The following MAB21L1 variants were observed in gnomAD, a reference collection of about 807,000 sequenced individuals.
The protein encoded by MAB21L1 is putative nucleotidyltransferase MAB21L1.
A neutral mutation model predicts 28.9 loss-of-function variants in MAB21L1; 8 were observed. The observed-to-expected ratio is 0.28, with a 90% CI of 0.16 to 0.50. The LOEUF (loss-of-function observed/expected upper bound fraction) is 0.50. MAB21L1 is among the 20% of genes least tolerant of loss of function. MAB21L1 has a pLI of 0.98. For synonymous variants in MAB21L1, 219 were observed against 198.2 expected (o/e 1.10, Z -0.88); for missense variants, 388 against 466.5 (o/e 0.83, Z 1.55).
chr13:35,475,414 T>G lies in MAB21L1; in HGVS notation c.725A>C (p.Gln242Pro), dbSNP rs1268262339. 1 of 1,613,590 alleles carries G rather than the reference T, an allele frequency of 6.2e-7. No individual in the cohort carries two copies. The highest frequency in any genetic ancestry group is 1.3e-5 in the African/African-American group (1 of 74,796). The change falls in exon 1 of 1, where the codon CAG (glutamine) becomes CCG (proline). Residue 242 changes from glutamine (Q) to proline (P), a missense_variant. Coordinates refer to ENST00000379919, the MANE Select transcript of MAB21L1 (RefSeq NM_005584.5). ...LQFAEAENRL[Q>P]MGGCRKKCLS... ...GCACTTCTTTCTGCAGCCCCCCATCTGCAGTCTGTTCTCTGCCTCCGCGAA... is the reference window on the plus strand; with the variant it reads ...GCACTTCTTTCTGCAGCCCCCCATCGGCAGTCTGTTCTCTGCCTCCGCGAA...
Position 35,475,908 on chromosome 13 carries a change from C to T in MAB21L1, c.231G>A (p.Val77=). 6.2e-7 allele frequency: 1 copy of T among 1,614,158 alleles called. No homozygotes were observed. The highest frequency in any genetic ancestry group is 8.5e-7 in the Non-Finnish European group (1 of 1,180,036). ...EVISPTEFEV[V]LYLNQMGVFN... ...ACACCCCCATTTGGTTGAGATAAAG[C>T]ACCACTTCAAATTCGGTGGGGGAGA... The change falls in exon 1 of 1, where the codon GTG becomes GTA. Residue 77 remains valine (V), a synonymous_variant. Transcript: ENST00000379919.
Position 35,476,617 on chromosome 13 carries a change from A to C in MAB21L1, c.-479T>G. The C allele has an allele frequency of 2.0e-6, 1 of 507,878 alleles. No homozygotes were observed. Among genetic ancestry groups the C allele is most frequent in the Non-Finnish European group, 3.6e-6 (1 of 279,076 alleles). 31.5% of individuals were successfully genotyped at this position (507,878 alleles called of 1,614,324 possible). ...GCAGCACTGTTAATCAAATGGAGGA[A>C]AAGTGTGCTGAGTGTGTGTCCGGGG... is the stretch of plus-strand genomic sequence containing the variant. On this transcript the variant is annotated 5_prime_UTR_variant, in exon 1 of 1. Transcript: ENST00000379919.
rs375479284 is a variant in MAB21L1, at chr13:35,475,989, C to T, written c.150G>A (p.Pro50=). 4 of 1,614,096 alleles carry T rather than the reference C, an allele frequency of 2.5e-6. No homozygotes were observed. The highest frequency in any genetic ancestry group is 2.2e-5 in the South Asian group (2 of 91,088). The change falls in exon 1 of 1, where the codon CCG becomes CCA. Residue 50 remains proline (P), a synonymous_variant. Transcript: ENST00000379919. Reference sequence around the variant, plus strand: ...TCTCGTTGAGAGAGCTGATGAACCGCGGCTCCTGCACTTCCACTTCCTTCA... The same window carrying T: ...TCTCGTTGAGAGAGCTGATGAACCGTGGCTCCTGCACTTCCACTTCCTTCA... The part of the protein sequence containing the change: ...DVLKEVEVQE[P]RFISSLNEMD...
In MAB21L1 at chr13:35,476,506, C is replaced by A. The variant is rs2075880385; in HGVS notation, c.-368G>T. ...TCTCAGGAATAAAAAACAAAAGTTGCGCTGAGACCCAGCAAAGCTCTTCCA... is the reference window on the plus strand; with the variant it reads ...TCTCAGGAATAAAAAACAAAAGTTGAGCTGAGACCCAGCAAAGCTCTTCCA... On this transcript the variant is annotated 5_prime_UTR_variant, in exon 1 of 1. Transcript: ENST00000379919. The A allele has an allele frequency of 4.5e-6, 3 of 665,858 alleles. No homozygotes were observed. Among genetic ancestry groups the A allele is most frequent in the Non-Finnish European group, 5.3e-6 (2 of 380,916 alleles). 41.2% of individuals were successfully genotyped at this position (665,858 alleles called of 1,614,324 possible).
In MAB21L1 at chr13:35,475,906, A is replaced by G. The variant is rs1227496852; in HGVS notation, c.233T>C (p.Leu78Pro). Residue 78 changes from leucine to proline, a missense_variant, in exon 1 of 1, where the codon CTT becomes CCT. Leu to Pro is a moderately conservative substitution (Grantham distance 98). Transcript: ENST00000379919. The part of the protein sequence containing the change: ...VISPTEFEVV[L>P]YLNQMGVFNF... Reference sequence around the variant, plus strand: ...GAACACCCCCATTTGGTTGAGATAAAGCACCACTTCAAATTCGGTGGGGGA... The same window carrying G: ...GAACACCCCCATTTGGTTGAGATAAGGCACCACTTCAAATTCGGTGGGGGA... 6.2e-7 allele frequency: 1 copy of G among 1,614,148 alleles called. No homozygotes were observed. The highest frequency in any genetic ancestry group is 1.7e-5 in the Admixed American group (1 of 60,028).
In MAB21L1 at chr13:35,476,595, G is replaced by C. The variant is rs892773035; in HGVS notation, c.-457C>G. Reference sequence around the variant, plus strand: ...CTTTCCCGTAATCATTGTGTGTGCAGCACTGTTAATCAAATGGAGGAAAAG... The same window carrying C: ...CTTTCCCGTAATCATTGTGTGTGCACCACTGTTAATCAAATGGAGGAAAAG... On this transcript the variant is annotated 5_prime_UTR_variant, in exon 1 of 1. Transcript: ENST00000379919. The C allele has an allele frequency of 3.8e-6, 2 of 532,120 alleles. No individual in the cohort carries two copies. Among genetic ancestry groups the C allele is most frequent in the African/African-American group, 3.8e-5 (2 of 52,130 alleles). 33.0% of individuals were successfully genotyped at this position (532,120 alleles called of 1,614,324 possible).
chr13:35,473,880 CAG>C lies in MAB21L1; in HGVS notation c.*1177_*1178del, dbSNP rs2075756099. 1.3e-5 allele frequency among the ~76,000 whole-genome samples: 2 copies of C among 152,060 alleles called. No individual in the cohort carries two copies. The highest frequency in any genetic ancestry group is 4.1e-4 in the South Asian group (2 of 4,826). Reference sequence around the variant, plus strand: ...TTAAGTTCATTTCCTCTGAATTAGTCAGATTTTTAACTCAGTCATCTCTACTG... The same window carrying C: ...TTAAGTTCATTTCCTCTGAATTAGTCATTTTTAACTCAGTCATCTCTACTG... On this transcript the variant is annotated 3_prime_UTR_variant, in exon 1 of 1. Coordinates refer to ENST00000379919, the MANE Select transcript of MAB21L1 (RefSeq NM_005584.5).
In MAB21L1 at chr13:35,474,101, A is replaced by G. The variant is rs1449619162; in HGVS notation, c.*958T>C. 6.6e-6 allele frequency: 1 copy of G among 152,322 alleles called. No individual in the cohort carries two copies. The highest frequency in any genetic ancestry group is 2.4e-5 in the African/African-American group (1 of 41,452). The allele number at this position is 152,322 out of a possible 1,614,324, so 9.4% of individuals were successfully genotyped here. ...ATGTTTTATTTTTAAGGATTTCATT[A>G]GCATATTTCTCAAAATATTTAAGAT... On this transcript the variant is annotated 3_prime_UTR_variant, in exon 1 of 1. Transcript: ENST00000379919.
rs1486421141 is a variant in MAB21L1, at chr13:35,476,333, CTGCTGCTGCTGCTGCT to C, written c.-211_-196del. 310 of 1,229,318 alleles carry C rather than the reference CTGCTGCTGCTGCTGCT, an allele frequency of 2.5e-4. No individual in the cohort carries two copies. Among genetic ancestry groups the C allele is most frequent in the South Asian group, 1.0e-3 (78 of 76,800 alleles). 76.2% of individuals were successfully genotyped at this position (1,229,318 alleles called of 1,614,324 possible). A position where few individuals can be genotyped will look rare whatever the true frequency, so the allele number is the denominator to read the frequency against. On this transcript the variant is annotated 5_prime_UTR_variant, in exon 1 of 1. Coordinates refer to ENST00000379919, the MANE Select transcript of MAB21L1 (RefSeq NM_005584.5). ...GCTGCTGCTGCTGCTGCTGCTGCTGCTGCTGCTGCTGCTGCTGCTGCTTTTCCCTTCCTTTTATCTT... is the reference window on the plus strand; with the variant it reads ...GCTGCTGCTGCTGCTGCTGCTGCTGCGCTGCTTTTCCCTTCCTTTTATCTT...
In MAB21L1 at chr13:35,476,143, G is replaced by T; in HGVS notation, c.-5C>A. The stretch of plus-strand genomic sequence containing the variant: ...CTTGGCCTGGGCCGCAATCATGTTG[G>T]GGCAGAGATCCGGATTGTACACCGG... On this transcript the variant is annotated 5_prime_UTR_variant, in exon 1 of 1. Coordinates refer to ENST00000379919, the MANE Select transcript of MAB21L1 (RefSeq NM_005584.5). The T allele has an allele frequency of 6.2e-7, 1 of 1,613,880 alleles. No individual in the cohort carries two copies. Among genetic ancestry groups the T allele is most frequent in the South Asian group, 1.1e-5 (1 of 91,064 alleles).
At position 35,475,854 on chromosome 13, in the gene MAB21L1, G is replaced by C; in HGVS notation, c.285C>G (p.Pro95=). ...VFNFVDDGSL[P]GCAVLKLSDG... ...CGCTCAACTTCAGCACCGCGCAGCC[G>C]GGCAGTGAGCCATCGTCCACGAAGT... Residue 95 remains proline, a synonymous_variant, in exon 1 of 1, where the codon CCC becomes CCG. Coordinates refer to ENST00000379919, the MANE Select transcript of MAB21L1 (RefSeq NM_005584.5). 6.2e-7 allele frequency: 1 copy of C among 1,614,006 alleles called. No individual in the cohort carries two copies. The highest frequency in any genetic ancestry group is 8.5e-7 in the Non-Finnish European group (1 of 1,180,014).
In MAB21L1 at chr13:35,476,600, G is replaced by A; in HGVS notation, c.-462C>T. On this transcript the variant is annotated 5_prime_UTR_variant, in exon 1 of 1. Coordinates refer to ENST00000379919, the MANE Select transcript of MAB21L1 (RefSeq NM_005584.5). ...CCGTAATCATTGTGTGTGCAGCACT[G>A]TTAATCAAATGGAGGAAAAGTGTGC... 1 of 524,884 alleles carries A rather than the reference G, an allele frequency of 1.9e-6. No homozygotes were observed. The highest frequency in any genetic ancestry group is 1.9e-5 in the African/African-American group (1 of 52,196). 32.5% of individuals were successfully genotyped at this position (524,884 alleles called of 1,614,324 possible).
chr13:35,476,616 A>G lies in MAB21L1; in HGVS notation c.-478T>C. 2 of 507,420 alleles carry G rather than the reference A, an allele frequency of 3.9e-6. 1 individual carries two copies. Among genetic ancestry groups the G allele is most frequent in the South Asian group, 4.7e-5 (2 of 42,592 alleles). The allele number at this position is 507,420 out of a possible 1,614,324, so 31.4% of individuals were successfully genotyped here. A position where few individuals can be genotyped will look rare whatever the true frequency, so the allele number is the denominator to read the frequency against. ...TGCAGCACTGTTAATCAAATGGAGG[A>G]AAAGTGTGCTGAGTGTGTGTCCGGG... On this transcript the variant is annotated 5_prime_UTR_variant, in exon 1 of 1. Transcript: ENST00000379919.
At position 35,476,464 on chromosome 13, in the gene MAB21L1, G is replaced by T. The variant is rs1165546917; in HGVS notation, c.-326C>A. On this transcript the variant is annotated 5_prime_UTR_variant, in exon 1 of 1. Coordinates refer to ENST00000379919, the MANE Select transcript of MAB21L1 (RefSeq NM_005584.5). ...TAAAGAATCCTTGTGTGAGAGAACCGCATGGAGAGATCACCTTCTCAGGAA... is the reference window on the plus strand; with the variant it reads ...TAAAGAATCCTTGTGTGAGAGAACCTCATGGAGAGATCACCTTCTCAGGAA... The T allele has an allele frequency of 4.9e-6, 4 of 808,122 alleles. No homozygotes were observed. Among genetic ancestry groups the T allele is most frequent in the South Asian group, 3.1e-5 (2 of 64,566 alleles). The allele number at this position is 808,122 out of a possible 1,614,324, so 50.1% of individuals were successfully genotyped here. A position where few individuals can be genotyped will look rare whatever the true frequency, so the allele number is the denominator to read the frequency against.
In MAB21L1 at chr13:35,475,888, C is replaced by G; in HGVS notation, c.251G>C (p.Gly84Ala). ...GCCATCGTCCACGAAGTTGAACACC[C>G]CCATTTGGTTGAGATAAAGCACCAC... ...FEVVLYLNQM[G>A]VFNFVDDGSL... The change falls in exon 1 of 1, where the codon GGG (glycine) becomes GCG (alanine). Residue 84 changes from glycine (G) to alanine (A), a missense_variant. By Grantham distance (60) the Gly-to-Ala change is moderately conservative. Transcript: ENST00000379919. 1 of 1,614,092 alleles carries G rather than the reference C, an allele frequency of 6.2e-7. No homozygotes were observed. The highest frequency in any genetic ancestry group is 2.2e-5 in the East Asian group (1 of 44,844).
Position 35,474,966 on chromosome 13 carries a change from C to T in MAB21L1, c.*93G>A. 1 of 1,334,742 alleles carries T rather than the reference C, an allele frequency of 7.5e-7. No individual in the cohort carries two copies. The highest frequency in any genetic ancestry group is 1.0e-6 in the Non-Finnish European group (1 of 965,710). The allele number at this position is 1,334,742 out of a possible 1,614,324, so 82.7% of individuals were successfully genotyped here. A position where few individuals can be genotyped will look rare whatever the true frequency, so the allele number is the denominator to read the frequency against. ...TTTTTAAAGGAAGAGATTGTTTGCA[C>T]TGCGGAGTGGAATATTAGGAATTGA... On this transcript the variant is annotated 3_prime_UTR_variant, in exon 1 of 1. Transcript: ENST00000379919.
At position 35,475,353 on chromosome 13, in the gene MAB21L1, A is replaced by G. The variant is rs1368253624; in HGVS notation, c.786T>C (p.Leu262=). The part of the protein sequence containing the change: ...SILKTLRDRH[L]ELPGQPLNNY... Reference sequence around the variant, plus strand: ...TGTTCAAGGGCTGGCCCGGCAGTTCAAGGTGACGATCCCTTAAGGTTTTGA... The same window carrying G: ...TGTTCAAGGGCTGGCCCGGCAGTTCGAGGTGACGATCCCTTAAGGTTTTGA... Residue 262 remains leucine, a synonymous_variant, in exon 1 of 1, where the codon CTT becomes CTC. Transcript: ENST00000379919. The G allele has an allele frequency of 6.8e-6, 11 of 1,613,838 alleles. No homozygotes were observed. In the Admixed American group the frequency reaches 1.7e-4, roughly 24 times the overall value.
In MAB21L1 at chr13:35,476,296, CCTGCTGCTGCTGCTGCTG is replaced by C. The variant is rs56240021; in HGVS notation, c.-176_-159del. 0.2 allele frequency: 190,005 copies of C among 946,744 alleles called. 24,487 individuals are homozygous for C. Among genetic ancestry groups the C allele is most frequent in the Middle Eastern group, 0.26 (889 of 3,482 alleles). The allele number at this position is 946,744 out of a possible 1,614,324, so 58.6% of individuals were successfully genotyped here. A position where few individuals can be genotyped will look rare whatever the true frequency, so the allele number is the denominator to read the frequency against. On this transcript the variant is annotated 5_prime_UTR_variant, in exon 1 of 1. Transcript: ENST00000379919. ...TCGGAAGTGCTGCAGCGTTGGTTTC[CCTGCTGCTGCTGCTGCTG>C]CTGCTGCTGCTGCTGCTGCTGCTGC...
rs56240021 is a variant in MAB21L1, at chr13:35,476,296, C to CCTG, written c.-161_-159dup. ...TCGGAAGTGCTGCAGCGTTGGTTTC[C>CCTG]CTGCTGCTGCTGCTGCTGCTGCTGC... On this transcript the variant is annotated 5_prime_UTR_variant, in exon 1 of 1. Coordinates refer to ENST00000379919, the MANE Select transcript of MAB21L1 (RefSeq NM_005584.5). 0.061 allele frequency: 58,555 copies of CCTG among 958,106 alleles called. 2,484 individuals are homozygous for CCTG. The highest frequency in any genetic ancestry group is 0.083 in the East Asian group (3,170 of 38,340). The allele number at this position is 958,106 out of a possible 1,614,324, so 59.4% of individuals were successfully genotyped here. A position where few individuals can be genotyped will look rare whatever the true frequency, so the allele number is the denominator to read the frequency against.
Sources: gnomAD v4.1 joint callset for allele counts (sites outside exome capture counted in the v4.1 genomes callset) on GRCh38, gnomAD v4.1.1 for gene constraint, MANE v1.5 for transcripts, NCBI Gene and HGNC (gene_info 2026-07-23, HGNC 2026-07-21) for gene names.